Variants in SHLD2 observed in about 807,000 individuals in gnomAD.
The protein encoded by SHLD2 is shieldin complex subunit 2, also known as RINN1-REV7-interacting novel NHEJ regulator 2.
Under a neutral mutation model 73.2 loss-of-function variants are expected in SHLD2, and 30 were observed. The observed-to-expected ratio is 0.41, with a 90% CI of 0.31 to 0.56. The LOEUF (loss-of-function observed/expected upper bound fraction) is 0.56, where lower values mean the gene tolerates loss of function less well. Among genes scored for constraint, SHLD2 ranks in the 20% least tolerant of loss-of-function variants. The pLI is 0.28. For synonymous variants in SHLD2, 285 were observed against 370.1 expected, an observed-to-expected ratio of 0.77 and a Z score of 2.64; for missense variants, 745 against 1,055.9, an observed-to-expected ratio of 0.71 and a Z score of 4.08.
At chr10:87,183,868 C>G (rs557608698) in intron 8 of SHLD2, among the ~76,000 whole-genome samples, 2 of 152,334 alleles carry the variant, frequency 1.3e-5, no homozygotes, top group South Asian at 4.1e-4. Context: ...CTTCTACCCC[C>G]TCTTTAAATG....
At chr10:87,177,411 T>C (rs962790427) in intron 7 of SHLD2, among the ~76,000 whole-genome samples, 10 of 151,912 alleles carry the variant, frequency 6.6e-5, no homozygotes, top group African/African-American at 1.9e-4. Flanking sequence ...CAGCCAGGAA[T>C]TGTGCATGTT....
intron 2 of SHLD2, among the ~76,000 whole-genome samples, chr10:87,132,202 A>G (rs1047347309): frequency 5.3e-5 from 8 of 152,092 alleles, no homozygotes; most frequent in African/African-American, 1.4e-4. Context: ...ACTCATCTAT[A>G]TTCTATGGTT....
chr10:87,130,142 G>A (rs1564588458), intron 2 of SHLD2, among the ~76,000 whole-genome samples: 1 of 151,982 alleles, frequency 6.6e-6, no homozygotes, highest in Non-Finnish European at 1.5e-5. Flanking sequence ...ACTATTTGCA[G>A]TTATGCCTCT....
Position 87,138,126 on chromosome 10 carries a change from C to T in SHLD2, c.-5-13224C>T, listed in dbSNP as rs1211131605. Among the ~76,000 whole-genome samples the T allele has an allele frequency of 5.3e-5, 8 of 152,074 alleles. No homozygotes were observed. The South Asian group carries it at 6.2e-4, about 12-fold the overall frequency. On this transcript the variant is annotated intron_variant, in intron 2 of 9. Coordinates refer to ENST00000298786, the MANE Select transcript of SHLD2 (RefSeq NM_001330112.2). ...CATCCTGGCCAACATGGTAAAACCG[C>T]GTCTCTACTAAAAATACAAAAATTA...
At chr10:87,146,596 C>T (rs1249138167) in intron 2 of SHLD2, among the ~76,000 whole-genome samples, 5 of 145,076 alleles carry the variant, frequency 3.4e-5, no homozygotes, top group African/African-American at 7.4e-5. Flanking sequence ...GCCCAGCCTG[C>T]GATTTTTTTT....
chr10:87,157,392 C>G (rs1339590057), intron 3 of SHLD2, among the ~76,000 whole-genome samples: 2 of 152,092 alleles, frequency 1.3e-5, no homozygotes, highest in African/African-American at 4.8e-5. Context: ...AGATAGCTCC[C>G]TTCCCCTCTT....
At chr10:87,116,164 C>A (rs1843243987) in intron 2 of SHLD2, among the ~76,000 whole-genome samples, 1 of 152,016 alleles carries the variant, frequency 6.6e-6, no homozygotes. Context: ...GAAATAAATG[C>A]CAGGTTGCTG....
At chr10:87,168,467 T>G (rs1289535800) in intron 4 of SHLD2, among the ~76,000 whole-genome samples, 2 of 151,480 alleles carry the variant, frequency 1.3e-5, no homozygotes, top group Non-Finnish European at 2.9e-5. Context: ...GGTGTGGTGG[T>G]GCACACCTGT....
intron 2 of SHLD2, among the ~76,000 whole-genome samples, chr10:87,112,063 C>A (rs1842959988): frequency 6.6e-6 from 1 of 151,282 alleles, no homozygotes; most frequent in Admixed American, 6.6e-5. Flanking sequence ...TGGTGAAACC[C>A]CGTCTCTACT....
At chr10:87,171,400 A>G (rs12267877) in intron 6 of SHLD2, among the ~76,000 whole-genome samples, 1,620 of 152,336 alleles carry the variant, frequency 0.011, 27 homozygotes, top group African/African-American at 0.037. Context: ...TCAATAAATT[A>G]CTGTTTCATA....
chr10:87,102,365 A>G (rs1024632661), intron 2 of SHLD2, among the ~76,000 whole-genome samples: 1 of 151,818 alleles, frequency 6.6e-6, no homozygotes, highest in East Asian at 1.9e-4. Flanking sequence ...TCCCACCTCA[A>G]CCTCCCAAGT....
intron 6 of SHLD2, among the ~76,000 whole-genome samples, chr10:87,174,926 TA>T (rs1847846688): frequency 6.6e-6 from 1 of 151,246 alleles, no homozygotes; most frequent in South Asian, 2.1e-4. Flanking sequence ...CCATCCTGGC[TA>T]ACACGGTGAA....
At chr10:87,145,692 A>AGTTCATCCTTT (rs1845554384) in intron 2 of SHLD2, among the ~76,000 whole-genome samples, 1 of 149,078 alleles carries the variant, frequency 6.7e-6, no homozygotes, top group Non-Finnish European at 1.5e-5. Context: ...CTGCTGATAC[A>AGTTCATCCTTT]GTTCATCCTG....
chr10:87,187,403 G>A (rs1298515750), intron 9 of SHLD2, among the ~76,000 whole-genome samples: 1 of 152,174 alleles, frequency 6.6e-6, no homozygotes, highest in African/African-American at 2.4e-5. Context: ...AACAGCGGGA[G>A]GCACCTAATT....
upstream of SHLD2, chr10:87,095,077 G>A (rs1841710786): frequency 7.0e-6 from 1 of 143,714 alleles, no homozygotes; most frequent in East Asian, 2.1e-4. Context: ...GCACGCTCGC[G>A]CGCCAGTGGG....
intron 2 of SHLD2, among the ~76,000 whole-genome samples, chr10:87,119,777 CA>C (rs35259056): frequency 0.14 from 18,059 of 128,646 alleles, 1,147 homozygotes; most frequent in Middle Eastern, 0.29. Flanking sequence ...GACTCTGTCT[CA>C]AAAAAAAAAA....
intron 2 of SHLD2, among the ~76,000 whole-genome samples, chr10:87,125,869 A>G (rs1158289419): frequency 9.9e-5 from 15 of 151,664 alleles, no homozygotes; most frequent in Non-Finnish European, 1.9e-4. Context: ...GGAGGTTGCA[A>G]TGAGCCGAGA....
chr10:87,101,843 G>A (rs1456348921), intron 2 of SHLD2, among the ~76,000 whole-genome samples: 2 of 152,214 alleles, frequency 1.3e-5, no homozygotes, highest in Non-Finnish European at 2.9e-5. Flanking sequence ...GAACCCAGGA[G>A]GTGGAGGTTG....
At chr10:87,164,892 A>G (rs1847091051) in intron 4 of SHLD2, among the ~76,000 whole-genome samples, 1 of 152,070 alleles carries the variant, frequency 6.6e-6, no homozygotes. Context: ...AGAAAAAAAA[A>G]TAGAGAATTA....
Sources: allele counts gnomAD v4.1 joint callset (sites outside exome capture counted in the v4.1 genomes callset), GRCh38; gene constraint gnomAD v4.1.1; transcripts MANE v1.5; gene names NCBI Gene and HGNC (gene_info 2026-07-23, HGNC 2026-07-21).